Variants in LOXL3 observed in about 807,000 individuals in gnomAD.
The protein encoded by LOXL3 is lysyl oxidase homolog 3.
LOXL3 carries 60 observed loss-of-function variants against 91.8 expected under a neutral mutation model. That is an observed-to-expected ratio of 0.65 (90% CI 0.53 to 0.81). The LOEUF is 0.81. Ranked by LOEUF, LOXL3 falls within the 30% of genes least tolerant of loss-of-function variation. LOXL3 has a pLI of 0.00. For missense variants in LOXL3, 874 were observed against 1,000.4 expected (o/e 0.87, Z 1.70); for synonymous variants, 355 against 387.6 (o/e 0.92, Z 0.99).
chr2:74,554,989 T>C, upstream of LOXL3: 1 of 1,390,750 alleles, frequency 7.2e-7, no homozygotes, highest in Non-Finnish European at 9.9e-7. This position sits in a 1 kb window ranked among gnomAD's most constrained non-coding sequence, Gnocchi z 4.9. Context: ...CTAGGGGTTC[T>C]GGTCCTGGGG....
chr2:74,537,394 C>G (rs1209833268), intron 4 of LOXL3, among the ~76,000 whole-genome samples: 1 of 152,164 alleles, frequency 6.6e-6, no homozygotes, highest in Non-Finnish European at 1.5e-5. Context: ...CTGAATGAGT[C>G]AGGATGCAAA....
In LOXL3 at chr2:74,532,301, A is replaced by T; in HGVS notation, c.*1305T>A. 1 of 474,852 alleles carries T rather than the reference A, an allele frequency of 2.1e-6. No individual in the cohort carries two copies. The allele number at this position is 474,852 out of a possible 1,614,324, so 29.4% of individuals were successfully genotyped here. On this transcript the variant is annotated 3_prime_UTR_variant, in exon 14 of 14. Coordinates refer to ENST00000264094, the MANE Select transcript of LOXL3 (RefSeq NM_032603.5). ...TTTATTTATGCTGTTCTTGTTTTATATGGTTAATATCAGATCCATCCTTTT... is the reference window on the plus strand; with the variant it reads ...TTTATTTATGCTGTTCTTGTTTTATTTGGTTAATATCAGATCCATCCTTTT...
chr2:74,535,222 C>G lies in LOXL3; in HGVS notation c.1579+70G>C. ...AAGAAGTGCCCCTCCAGATTACAGC[C>G]CCCTTTCCCTGCAAACGGGTGGCCC... On this transcript the variant is annotated intron_variant, in intron 9 of 13. Transcript: ENST00000264094. This position sits in a 1 kb window ranked among gnomAD's most constrained non-coding sequence, Gnocchi z 4.2. 1 of 1,523,828 alleles carries G rather than the reference C, an allele frequency of 6.6e-7. No individual in the cohort carries two copies. 94.4% of individuals were successfully genotyped at this position (1,523,828 alleles called of 1,614,324 possible).
rs1676011829 is a variant in LOXL3, at chr2:74,536,238, C to A, written c.1093+53G>T. 6.2e-7 allele frequency: 1 copy of A among 1,612,068 alleles called. No individual in the cohort carries two copies. Among genetic ancestry groups the A allele is most frequent in the South Asian group, 1.1e-5 (1 of 91,052 alleles). ...ACCTAACCTTCCGAAGGAATATGCC[C>A]CCCAGGAGCATGTACCTCCTTCCCT... On this transcript the variant is annotated intron_variant, in intron 6 of 13. Coordinates refer to ENST00000264094, the MANE Select transcript of LOXL3 (RefSeq NM_032603.5). The surrounding 1 kb of genome is among the most constrained non-coding windows in gnomAD (Gnocchi z 4.5).
At position 74,533,519 on chromosome 2, in the gene LOXL3, T is replaced by C; in HGVS notation, c.*87A>G. ...GGTCTGATGAGTGCGGTTGCTGACA[T>C]GGGTTTCTTGGTAAGCTCCTGAGGT... On this transcript the variant is annotated 3_prime_UTR_variant, in exon 14 of 14. Transcript: ENST00000264094. 8.2e-7 allele frequency: 1 copy of C among 1,225,658 alleles called. No individual in the cohort carries two copies. The highest frequency in any genetic ancestry group is 1.9e-5 in the Admixed American group (1 of 53,440). The allele number at this position is 1,225,658 out of a possible 1,614,324, so 75.9% of individuals were successfully genotyped here. A position where few individuals can be genotyped will look rare whatever the true frequency, so the allele number is the denominator to read the frequency against.
At chr2:74,542,627 T>C (rs1026812514) in intron 4 of LOXL3, among the ~76,000 whole-genome samples, 2 of 138,622 alleles carry the variant, frequency 1.4e-5, no homozygotes, top group Non-Finnish European at 3.1e-5. Flanking sequence ...CTCTTCCTAC[T>C]TTTTTTTTTT....
intron 1 of LOXL3, among the ~76,000 whole-genome samples, chr2:74,553,486 C>G (rs561856918): frequency 6.6e-6 from 1 of 152,332 alleles, no homozygotes; most frequent in Non-Finnish European, 1.5e-5. Flanking sequence ...AACGGGAGGC[C>G]AGGCGCTATG....
Position 74,549,705 on chromosome 2 carries a change from G to C in LOXL3, c.478-122C>G. ...CCCAGTGGCGGGATGGGCCCGAGGC[G>C]GCGCTGAGAGAGCGGCCACGATGGC... On this transcript the variant is annotated intron_variant, in intron 3 of 13. Coordinates refer to ENST00000264094, the MANE Select transcript of LOXL3 (RefSeq NM_032603.5). The surrounding 1 kb of genome is among the most constrained non-coding windows in gnomAD (Gnocchi z 5.3). 1 of 1,447,556 alleles carries C rather than the reference G, an allele frequency of 6.9e-7. No homozygotes were observed. Among genetic ancestry groups the C allele is most frequent in the Non-Finnish European group, 9.1e-7 (1 of 1,097,410 alleles). 89.7% of individuals were successfully genotyped at this position (1,447,556 alleles called of 1,614,324 possible).
intron 13 of LOXL3, 67 bp from the exon 14 acceptor site, chr2:74,533,746 G>A (rs1675801677): frequency 2.6e-6 from 4 of 1,519,326 alleles, no homozygotes; most frequent in Admixed American, 3.4e-5. Flanking sequence ...GCACTGTGGA[G>A]AAGGGTGGGT....
Position 74,533,534 on chromosome 2 carries a change from G to A in LOXL3, c.*72C>T. 1 of 1,385,708 alleles carries A rather than the reference G, an allele frequency of 7.2e-7. No individual in the cohort carries two copies. Among genetic ancestry groups the A allele is most frequent in the Non-Finnish European group, 1.0e-6 (1 of 982,392 alleles). The allele number at this position is 1,385,708 out of a possible 1,614,324, so 85.8% of individuals were successfully genotyped here. ...GTTGCTGACATGGGTTTCTTGGTAA[G>A]CTCCTGAGGTAATGGCAGCCTCAGA... On this transcript the variant is annotated 3_prime_UTR_variant, in exon 14 of 14. Coordinates refer to ENST00000264094, the MANE Select transcript of LOXL3 (RefSeq NM_032603.5).
rs763586491 is a variant in LOXL3 at position 74,549,732 on chromosome 2, G to T, written c.478-149C>A. 9.7e-6 allele frequency: 14 copies of T among 1,442,068 alleles called. No individual in the cohort carries two copies. Among genetic ancestry groups the T allele is most frequent in the Middle Eastern group, 2.6e-4 (1 of 3,908 alleles). The allele number at this position is 1,442,068 out of a possible 1,614,324, so 89.3% of individuals were successfully genotyped here. ...CGCTGAGAGAGCGGCCACGATGGCC[G>T]CAGTCCGCGGTGTGGACTCTCTTGC... On this transcript the variant is annotated intron_variant, in intron 3 of 13. Transcript: ENST00000264094. The surrounding 1 kb of genome is among the most constrained non-coding windows in gnomAD (Gnocchi z 5.3).
At position 74,547,832 on chromosome 2, in the gene LOXL3, A is replaced by C. The variant is rs578082510; in HGVS notation, c.692+1537T>G. Among the ~76,000 whole-genome samples, 4 of 152,362 alleles carry C rather than the reference A, an allele frequency of 2.6e-5. No individual in the cohort carries two copies. The East Asian group carries it at 7.7e-4, about 29-fold the overall frequency. Reference sequence around the variant, plus strand: ...AAGGATTTCAGTAAAAATAGACTCAAACTACTATGATTTTCTTTTTTGACA... The same window carrying C: ...AAGGATTTCAGTAAAAATAGACTCACACTACTATGATTTTCTTTTTTGACA... On this transcript the variant is annotated intron_variant, in intron 4 of 13. Transcript: ENST00000264094.
chr2:74,533,227 A>C lies in LOXL3; in HGVS notation c.*379T>G. 1 of 564,718 alleles carries C rather than the reference A, an allele frequency of 1.8e-6. No individual in the cohort carries two copies. The allele number at this position is 564,718 out of a possible 1,614,324, so 35.0% of individuals were successfully genotyped here. ...AGGGCTGGATCTTTTCCCCCACCAA[A>C]AGGCTAGAGGTAAAGCTGTATCCCC... On this transcript the variant is annotated 3_prime_UTR_variant, in exon 14 of 14. Transcript: ENST00000264094.
Position 74,534,355 on chromosome 2 carries a change from T to C in LOXL3, c.1900A>G (p.Lys634Glu). Residue 634 changes from lysine (K) to glutamate (E), a missense_variant, in exon 11 of 14, where the codon AAA (lysine) becomes GAA (glutamate). Coordinates refer to ENST00000264094, the MANE Select transcript of LOXL3 (RefSeq NM_032603.5). Reference protein sequence around the residue: ...PNGTKVAEGHKASFCLEDTEC... With the variant: ...PNGTKVAEGHEASFCLEDTEC... ...GTGTCTTCGAGACAGAAACTAGCTT[T>C]GTGGCCCTCAGCCACCTTGGTGCCA... 6.2e-7 allele frequency: 1 copy of C among 1,614,274 alleles called. No individual in the cohort carries two copies. The highest frequency in any genetic ancestry group is 8.5e-7 in the Non-Finnish European group (1 of 1,180,036).
chr2:74,532,739 A>C lies in LOXL3; in HGVS notation c.*867T>G. The C allele has an allele frequency of 6.2e-7, 1 of 1,612,420 alleles. No individual in the cohort carries two copies. Among genetic ancestry groups the C allele is most frequent in the Non-Finnish European group, 8.5e-7 (1 of 1,178,570 alleles). On this transcript the variant is annotated 3_prime_UTR_variant, in exon 14 of 14. Coordinates refer to ENST00000264094, the MANE Select transcript of LOXL3 (RefSeq NM_032603.5). The stretch of plus-strand genomic sequence containing the variant: ...GGTGAGGGAGAGGCTGCAGTGTGAT[A>C]TGGGGATGGGCAAGGTGTGCATGTG...
Position 74,535,468 on chromosome 2 carries a change from C to T in LOXL3, c.1417-14G>A. On this transcript the variant is annotated splice_polypyrimidine_tract_variant and intron_variant, in intron 8 of 13. Transcript: ENST00000264094. The surrounding 1 kb of genome is among the most constrained non-coding windows in gnomAD (Gnocchi z 4.2). ...GTACCAGGTCTCCTGGGGACATATG[C>T]AGATGTTTCTGTAAGGCCCAGGATC... 6.2e-7 allele frequency: 1 copy of T among 1,613,628 alleles called. No individual in the cohort carries two copies. Among genetic ancestry groups the T allele is most frequent in the South Asian group, 1.1e-5 (1 of 91,084 alleles).
intron 2 of LOXL3, 87 bp from the exon 3 acceptor site, chr2:74,550,435 G>T: frequency 7.1e-7 from 1 of 1,399,052 alleles, no homozygotes; most frequent in Non-Finnish European, 9.8e-7. Context: ...GAGTGCTGAG[G>T]CCTCCCACTT....
chr2:74,545,785 C>T (rs544426132), intron 4 of LOXL3, among the ~76,000 whole-genome samples: 2 of 152,312 alleles, frequency 1.3e-5, no homozygotes, highest in East Asian at 3.9e-4. Context: ...AAGGTTCAGT[C>T]TCTGGGCCTC....
chr2:74,554,566 G>A, upstream of LOXL3: 4 of 611,902 alleles, frequency 6.5e-6, no homozygotes, highest in South Asian at 7.9e-5. The surrounding 1 kb of genome is among the most constrained non-coding windows in gnomAD (Gnocchi z 4.9). Flanking sequence ...CTGGGGTGCT[G>A]CAGCTCCCGG....
Sources: gnomAD v4.1 joint callset for allele counts (sites outside exome capture counted in the v4.1 genomes callset) on GRCh38, gnomAD v4.1.1 for gene constraint, Gnocchi (gnomAD v3.1) non-coding constraint, MANE v1.5 for transcripts, NCBI Gene and HGNC (gene_info 2026-07-23, HGNC 2026-07-21) for gene names.